GRIK4: variants seen among roughly 807,000 people sequenced by gnomAD.
GRIK4 encodes glutamate ionotropic receptor kainate type subunit 4.
GRIK4 carries 40 observed loss-of-function variants against 104.9 expected under a neutral mutation model. The ratio of observed to expected loss-of-function variants is 0.38; its 90% confidence interval spans 0.30 to 0.50. GRIK4 has a LOEUF of 0.50. Ranked by LOEUF, GRIK4 falls within the 20% of genes least tolerant of loss-of-function variation. GRIK4 has a pLI of 0.93. For missense variants in GRIK4, 1,047 were observed against 1,308.1 expected, an observed-to-expected ratio of 0.80 and a Z score of 3.08; for synonymous variants, 485 against 524.9, an observed-to-expected ratio of 0.92 and a Z score of 1.04.
chr11:120,871,622 G>A (rs1316221875), intron 9 of GRIK4: 2 of 456,316 alleles, frequency 4.4e-6, no homozygotes, highest in Non-Finnish European at 8.8e-6. Context: ...GACAGGAAGG[G>A]AGTTGGAGCA....
At chr11:120,587,255 G>T (rs1255533027) in intron 1 of GRIK4, among the ~76,000 whole-genome samples, 1 of 152,088 alleles carries the variant, frequency 6.6e-6, no homozygotes, top group Non-Finnish European at 1.5e-5. Flanking sequence ...TAACGACACC[G>T]ACAATCGGGG....
intron 11 of GRIK4, chr11:120,894,802 A>G (rs764348827): frequency 2.0e-5 from 3 of 152,056 alleles, no homozygotes; most frequent in Admixed American, 6.6e-5. Flanking sequence ...TCTCCTGCCC[A>G]CTCCTGGCAC....
intron 3 of GRIK4, among the ~76,000 whole-genome samples, chr11:120,692,377 C>T (rs1950379831): frequency 6.6e-6 from 1 of 152,202 alleles, no homozygotes; most frequent in South Asian, 2.1e-4. Context: ...GCTGGGGATA[C>T]AGAGATGGGT....
At chr11:120,814,610 A>G (rs1952895527) in intron 4 of GRIK4, among the ~76,000 whole-genome samples, 1 of 152,134 alleles carries the variant, frequency 6.6e-6, no homozygotes, top group South Asian at 2.1e-4. Context: ...ATAAATAAAT[A>G]CATAAATAAG....
At chr11:120,782,285 CTT>C (rs1264123873) in intron 3 of GRIK4, among the ~76,000 whole-genome samples, 12 of 132,674 alleles carry the variant, frequency 9.0e-5, no homozygotes, top group African/African-American at 1.2e-4. Context: ...GCCAGTATGA[CTT>C]TTTTTTTTTT....
At chr11:120,984,820 CTTT>C (rs569201252) in intron 20 of GRIK4, among the ~76,000 whole-genome samples, 101 of 115,770 alleles carry the variant, frequency 8.7e-4, no homozygotes, top group Middle Eastern at 4.9e-3. Flanking sequence ...CATCTATATT[CTTT>C]TTTTTTTTTT....
intron 1 of GRIK4, among the ~76,000 whole-genome samples, chr11:120,565,469 G>C (rs1437889416): frequency 1.3e-5 from 2 of 152,216 alleles, no homozygotes; most frequent in Non-Finnish European, 2.9e-5. Context: ...TAAACCGGGA[G>C]AAAGGGTAAC....
rs148842203 is a variant in GRIK4, at chr11:120,744,491, G to A, written c.83-58202G>A. 4.1e-4 allele frequency among the ~76,000 whole-genome samples: 63 copies of A among 152,338 alleles called. No individual in the cohort carries two copies. The East Asian group carries it at 0.012, about 28-fold the overall frequency. On this transcript the variant is annotated intron_variant, in intron 3 of 20. Transcript: ENST00000527524. ...TGGCTGCGTACAAGAAGGACAACAG[G>A]AGTAATGTTGACTGCCATTCACCCT...
intron 1 of GRIK4, among the ~76,000 whole-genome samples, chr11:120,588,177 G>A (rs929085878): frequency 2.0e-5 from 3 of 152,160 alleles, no homozygotes; most frequent in Non-Finnish European, 4.4e-5. Context: ...GGCTTGGCCC[G>A]CTCCTGGGGC....
chr11:120,896,131 A>C (rs1260805261), intron 11 of GRIK4, among the ~76,000 whole-genome samples: 1 of 152,132 alleles, frequency 6.6e-6, no homozygotes, highest in Admixed American at 6.5e-5. Context: ...GTCCTGAGCC[A>C]CACAGGCTGC....
chr11:120,666,755 C>A (rs944684990), intron 3 of GRIK4, among the ~76,000 whole-genome samples: 1 of 152,114 alleles, frequency 6.6e-6, no homozygotes, highest in Non-Finnish European at 1.5e-5. Context: ...TCAGTTGGAT[C>A]GAGCAGCGTG....
At chr11:120,660,181 T>G in intron 2 of GRIK4, 88 bp from the exon 3 acceptor site, 1 of 649,798 alleles carries the variant, frequency 1.5e-6, no homozygotes, top group Non-Finnish European at 2.8e-6. Context: ...CAAAGGGGCC[T>G]CTCCGGCTCC....
chr11:120,545,936 C>G (rs1312966851), intron 1 of GRIK4, among the ~76,000 whole-genome samples: 1 of 152,208 alleles, frequency 6.6e-6, no homozygotes, highest in Non-Finnish European at 1.5e-5. Context: ...GGCACCCAGG[C>G]TCCACCCTTC....
chr11:120,693,832 C>T (rs543431600), intron 3 of GRIK4, among the ~76,000 whole-genome samples: 3 of 152,278 alleles, frequency 2.0e-5, no homozygotes, highest in Non-Finnish European at 2.9e-5. Context: ...GGGAGGGGCT[C>T]CTGCCAGCAT....
At chr11:120,972,154 A>G (rs1472117160) in intron 19 of GRIK4, among the ~76,000 whole-genome samples, 1 of 152,228 alleles carries the variant, frequency 6.6e-6, no homozygotes, top group Non-Finnish European at 1.5e-5. Flanking sequence ...TCCCAGGAAG[A>G]TGCCCCATCA....
intron 1 of GRIK4, among the ~76,000 whole-genome samples, chr11:120,619,507 G>T (rs1488363414): frequency 1.3e-5 from 2 of 152,180 alleles, no homozygotes; most frequent in Non-Finnish European, 2.9e-5. Flanking sequence ...GAGGGGCCAG[G>T]GGTGAAATGA....
intron 1 of GRIK4, among the ~76,000 whole-genome samples, chr11:120,581,771 A>G (rs1419021243): frequency 6.6e-6 from 1 of 150,662 alleles, no homozygotes; most frequent in African/African-American, 2.4e-5. Flanking sequence ...ATAGTTCATC[A>G]TGTACTGTTT....
intron 3 of GRIK4, among the ~76,000 whole-genome samples, chr11:120,713,728 A>G (rs1215871046): frequency 2.6e-5 from 4 of 152,218 alleles, no homozygotes; most frequent in Non-Finnish European, 5.9e-5. Context: ...GATGAGTCGC[A>G]GTTGCTAAGG....
At chr11:120,960,229 C>T (rs1379801176) in intron 16 of GRIK4, among the ~76,000 whole-genome samples, 8 of 151,716 alleles carry the variant, frequency 5.3e-5, no homozygotes, top group Admixed American at 2.0e-4. Context: ...CTCAGGAGGC[C>T]GAGGCAGGAG....
Sources: gnomAD v4.1 joint callset for allele counts (sites outside exome capture counted in the v4.1 genomes callset) on GRCh38, gnomAD v4.1.1 for gene constraint, MANE v1.5 for transcripts, NCBI Gene and HGNC (gene_info 2026-07-23, HGNC 2026-07-21) for gene names.